SLC22A13: variants seen among roughly 807,000 people sequenced by gnomAD.
The protein encoded by SLC22A13 is solute carrier family 22 member 13, also known as organic anion transporter 10.
SLC22A13 carries 42 observed loss-of-function variants against 49.1 expected under a neutral mutation model. The ratio of observed to expected loss-of-function variants is 0.85; its 90% confidence interval spans 0.67 to 1.11. SLC22A13 has a LOEUF of 1.11. Ranked by LOEUF, SLC22A13 falls within the 50% of genes least tolerant of loss-of-function variation. The probability of loss-of-function intolerance (pLI) is 0.00; values close to 1 mark genes in which losing one functional copy is unlikely to be tolerated. For missense variants in SLC22A13, 694 were observed against 712.8 expected (o/e 0.97, Z 0.30); for synonymous variants, 282 against 293.1 (o/e 0.96, Z 0.39).
rs1703580188 is a variant in SLC22A13 at position 38,276,083 on chromosome 3, C to T, written c.1224C>T (p.Ile408=). 6.2e-7 allele frequency: 1 copy of T among 1,613,498 alleles called. No homozygotes were observed. Among genetic ancestry groups the T allele is most frequent in the Admixed American group, 1.7e-5 (1 of 59,962 alleles). Reference sequence around the variant, plus strand: ...GTGGCCTGATGTGTATCATCATCATCTTCATCCCAGCAGGTATCAGGGCTG... The same window carrying T: ...GTGGCCTGATGTGTATCATCATCATTTTCATCCCAGCAGGTATCAGGGCTG... The part of the protein sequence containing the change: ...VLGGLMCIII[I]FIPADLPVVV... Residue 408 remains isoleucine, a synonymous_variant, in exon 7 of 10, where the codon ATC becomes ATT. Coordinates refer to ENST00000311856, the MANE Select transcript of SLC22A13 (RefSeq NM_004256.4).
chr3:38,268,324 C>G (rs1368195148), intron 1 of SLC22A13, among the ~76,000 whole-genome samples: 1 of 152,158 alleles, frequency 6.6e-6, no homozygotes, highest in African/African-American at 2.4e-5. Flanking sequence ...TAAGTGTTCT[C>G]CCCGCCCCTT....
intron 1 of SLC22A13, among the ~76,000 whole-genome samples, chr3:38,271,102 A>G (rs902613392): frequency 5.9e-5 from 9 of 152,236 alleles, no homozygotes; most frequent in African/African-American, 2.2e-4. Flanking sequence ...CTCTGAGCTG[A>G]CACCTAAGCT....
intron 1 of SLC22A13, among the ~76,000 whole-genome samples, chr3:38,273,758 G>T (rs1703546002): frequency 6.6e-6 from 1 of 152,134 alleles, no homozygotes; most frequent in Non-Finnish European, 1.5e-5. Flanking sequence ...CAACTTAGTA[G>T]TTATTTTTTG....
chr3:38,275,873 A>T lies in SLC22A13; in HGVS notation c.1023-9A>T, dbSNP rs772801194. On this transcript the variant is annotated splice_polypyrimidine_tract_variant and intron_variant, in intron 6 of 9. Transcript: ENST00000311856. The stretch of plus-strand genomic sequence containing the variant: ...CCAGCAGTGACAGGAACCCTTCATT[A>T]CCTTGTAGGTTTGTGGACAGTCTGG... 1.1e-5 allele frequency: 17 copies of T among 1,612,802 alleles called. No homozygotes were observed. The highest frequency in any genetic ancestry group is 1.4e-5 in the Non-Finnish European group (17 of 1,178,936).
intron 1 of SLC22A13, 58 bp from the exon 2 acceptor site, chr3:38,274,214 G>T: frequency 8.0e-7 from 1 of 1,255,332 alleles, no homozygotes; most frequent in Non-Finnish European, 1.2e-6. Context: ...GGGACAGGTG[G>T]TGTAGGGCTT....
Position 38,266,182 on chromosome 3 carries a change from C to A in SLC22A13, c.322C>A (p.Pro108Thr), listed in dbSNP as rs1703462917. Residue 108 changes from proline to threonine, a missense_variant, in exon 1 of 10, where the codon CCT becomes ACT. By Grantham distance (38) the Pro-to-Thr change is conservative. Coordinates refer to ENST00000311856, the MANE Select transcript of SLC22A13 (RefSeq NM_004256.4). ...ILSHRFNETQ[P>T]CDMGWEYPEN... Reference sequence around the variant, plus strand: ...CAGCCACCGCTTCAATGAGACGCAGCCTTGTGATATGGGCTGGGAATATCC... The same window carrying A: ...CAGCCACCGCTTCAATGAGACGCAGACTTGTGATATGGGCTGGGAATATCC... 1 of 1,614,218 alleles carries A rather than the reference C, an allele frequency of 6.2e-7. No individual in the cohort carries two copies. Among genetic ancestry groups the A allele is most frequent in the Non-Finnish European group, 8.5e-7 (1 of 1,180,046 alleles).
rs201386183 is a variant in SLC22A13 at position 38,275,013 on chromosome 3, G to C, written c.662G>C (p.Trp221Ser). The C allele has an allele frequency of 3.7e-6, 6 of 1,614,232 alleles. No homozygotes were observed. The East Asian group carries it at 1.1e-4, about 30-fold the overall frequency. The change falls in exon 4 of 10, where the codon TGG (tryptophan) becomes TCG (serine). Residue 221 changes from tryptophan to serine, a missense_variant. Trp to Ser is a radical substitution (Grantham distance 177). Transcript: ENST00000311856. ...TLLTEWVGPS[W>S]RTQAVVLAQC... ...GTGACAGAATGGGTGGGGCCCTCAT[G>C]GAGGACGCAGGCCGTGGTCCTGGCC...
At chr3:38,275,193 GGTTA>G in intron 4 of SLC22A13, 36 bp downstream of exon 4, 1 of 1,611,696 alleles carries the variant, frequency 6.2e-7, no homozygotes, top group Non-Finnish European at 8.5e-7. Flanking sequence ...AGCCCCCCCA[GGTTA>G]GTTGTGTTGT....
At chr3:38,272,744 C>A (rs545700386) in intron 1 of SLC22A13, among the ~76,000 whole-genome samples, 3 of 152,354 alleles carry the variant, frequency 2.0e-5, no homozygotes, top group Admixed American at 6.5e-5. Flanking sequence ...AGTATGAGCA[C>A]AATGGTAACT....
At chr3:38,277,268 C>G (rs1400703197) in intron 9 of SLC22A13, 104 bp from the exon 10 acceptor site, 4 of 1,138,140 alleles carry the variant, frequency 3.5e-6, no homozygotes, top group Non-Finnish European at 5.2e-6. Flanking sequence ...AGACATCTGG[C>G]TGGCTTTAGT....
chr3:38,274,357 T>G lies in SLC22A13; in HGVS notation c.464T>G (p.Phe155Cys). 6.2e-7 allele frequency: 1 copy of G among 1,614,028 alleles called. No homozygotes were observed. Among genetic ancestry groups the G allele is most frequent in the Non-Finnish European group, 8.5e-7 (1 of 1,179,884 alleles). The change falls in exon 2 of 10, where the codon TTT becomes TGT. Residue 155 changes from phenylalanine to cysteine, a missense_variant. Physicochemically the swap from Phe to Cys is radical, Grantham distance 205 (BLOSUM62 -2). Coordinates refer to ENST00000311856, the MANE Select transcript of SLC22A13 (RefSeq NM_004256.4). ...MAGLLVGTLM[F>C]GPLCDRIGRK... Reference sequence around the variant, plus strand: ...GGGCTCCTTGTTGGCACCCTCATGTTTGGGCCCCTCTGCGACCGGTAAGAA... The same window carrying G: ...GGGCTCCTTGTTGGCACCCTCATGTGTGGGCCCCTCTGCGACCGGTAAGAA...
intron 1 of SLC22A13, among the ~76,000 whole-genome samples, 192 bp downstream of exon 1, chr3:38,266,430 T>A (rs1194040678): frequency 6.6e-6 from 1 of 152,186 alleles, no homozygotes; most frequent in East Asian, 1.9e-4. Flanking sequence ...CTGTCTGTCA[T>A]CTTCTCTGTC....
At chr3:38,268,552 G>A (rs1006713452) in intron 1 of SLC22A13, among the ~76,000 whole-genome samples, 1 of 152,120 alleles carries the variant, frequency 6.6e-6, no homozygotes, top group Non-Finnish European at 1.5e-5. Flanking sequence ...TTCAGATTAT[G>A]AACTCACTCC....
chr3:38,276,922 A>C lies in SLC22A13; in HGVS notation c.1357A>C (p.Met453Leu), dbSNP rs149151258. 2.5e-4 allele frequency: 396 copies of C among 1,613,690 alleles called. No homozygotes were observed. In the African/African-American group the frequency reaches 3.1e-3, roughly 13 times the overall value. ...LFPTILRQTG[M>L]GLVGIFSRIG... is the part of the protein sequence containing the mutation. ...CTGGTCTTCCCCCAGGCAGACAGGC[A>C]TGGGGCTGGTGGGCATCTTCTCACG... Residue 453 changes from methionine to leucine, a missense_variant, in exon 9 of 10, where the codon ATG becomes CTG. Coordinates refer to ENST00000311856, the MANE Select transcript of SLC22A13 (RefSeq NM_004256.4).
intron 8 of SLC22A13, 138 bp downstream of exon 8, chr3:38,276,533 A>C: frequency 1.5e-6 from 1 of 647,142 alleles, no homozygotes; most frequent in Non-Finnish European, 2.7e-6. Context: ...GTCCAGGACA[A>C]CTAGAAATCT....
chr3:38,274,573 C>A, intron 2 of SLC22A13, 31 bp from the exon 3 acceptor site: 1 of 1,605,876 alleles, frequency 6.2e-7, no homozygotes, highest in Admixed American at 1.7e-5. Context: ...CCGGGAGGGA[C>A]CCTCCCCACA....
intron 1 of SLC22A13, among the ~76,000 whole-genome samples, chr3:38,268,941 A>AAAACAAAC (rs746937457): frequency 2.6e-5 from 4 of 152,068 alleles, no homozygotes; most frequent in Admixed American, 1.3e-4. Context: ...AAACACCCGC[A>AAAACAAAC]AAACAAACAA....
Position 38,275,976 on chromosome 3 carries a change from G to C in SLC22A13, c.1117G>C (p.Glu373Gln), listed in dbSNP as rs1281433103. 1.2e-6 allele frequency: 2 copies of C among 1,614,116 alleles called. No individual in the cohort carries two copies. Among genetic ancestry groups the C allele is most frequent in the Non-Finnish European group, 1.7e-6 (2 of 1,180,056 alleles). ...GACGCAGCTCATCTTTGGAGCTGTT[G>C]AGGTGCCTGCCCGCTGTTCCAGCAT... Reference protein sequence around the residue: ...YLTQLIFGAVEVPARCSSIFM... With the variant: ...YLTQLIFGAVQVPARCSSIFM... Residue 373 changes from glutamate (E) to glutamine (Q), a missense_variant, in exon 7 of 10, where the codon GAG (glutamate) becomes CAG (glutamine). Physicochemically the swap from Glu to Gln is conservative, Grantham distance 29 (BLOSUM62 2). Transcript: ENST00000311856.
rs1703602580 is a variant in SLC22A13 at position 38,277,563 on chromosome 3, C to T, written c.*98C>T. 1 of 859,616 alleles carries T rather than the reference C, an allele frequency of 1.2e-6. No homozygotes were observed. The highest frequency in any genetic ancestry group is 1.7e-5 in the African/African-American group (1 of 59,200). 53.2% of individuals were successfully genotyped at this position (859,616 alleles called of 1,614,324 possible). ...CACAGGGACACAGGGCAAGACCAGC[C>T]TTGCTTATGGAGGCAGGACACCACA... is the stretch of plus-strand genomic sequence containing the variant. On this transcript the variant is annotated 3_prime_UTR_variant, in exon 10 of 10. Transcript: ENST00000311856.
Sources: allele counts gnomAD v4.1 joint callset (sites outside exome capture counted in the v4.1 genomes callset), GRCh38; gene constraint gnomAD v4.1.1; transcripts MANE v1.5; gene names NCBI Gene and HGNC (gene_info 2026-07-23, HGNC 2026-07-21).